Variants in PRSS55 observed in about 807,000 individuals in gnomAD.
PRSS55 encodes probable serine protease UNQ9391/PRO34284.
Under a neutral mutation model 23.6 loss-of-function variants are expected in PRSS55, and 41 were observed. The ratio of observed to expected loss-of-function variants is 1.74; its 90% CI spans 1.35 to 2.26. PRSS55 has a LOEUF of 2.26. PRSS55 is among the 30% of genes most tolerant of loss of function. The pLI is 0.00. For synonymous variants in PRSS55, 262 were observed against 175.5 expected (o/e 1.49, Z -3.90); for missense variants, 669 against 439.1 (o/e 1.52, Z -4.68).
intron 1 of PRSS55, among the ~76,000 whole-genome samples, chr8:10,526,639 A>G (rs910439564): frequency 6.6e-6 from 1 of 152,202 alleles, no homozygotes; most frequent in Non-Finnish European, 1.5e-5. Flanking sequence ...GAAAGTCAAC[A>G]CGATTCCATA....
At chr8:10,534,126 C>CA (rs33911802) in intron 4 of PRSS55, among the ~76,000 whole-genome samples, 39,868 of 151,650 alleles carry the variant, frequency 0.26, 5,572 homozygotes, top group Middle Eastern at 0.34. Flanking sequence ...ATTACCAAAA[C>CA]AAAAAAAACA....
At position 10,530,799 on chromosome 8, in the gene PRSS55, C is replaced by T. The variant is rs957691956; in HGVS notation, c.348-496C>T. The stretch of plus-strand genomic sequence containing the variant: ...CCGCTGTCGTGGGATATCAAATATC[C>T]TCTGGGGTTCGGAATGTGGGCTTAT... On this transcript the variant is annotated intron_variant, in intron 2 of 4. Transcript: ENST00000328655. Among the ~76,000 whole-genome samples, 3 of 152,208 alleles carry T rather than the reference C, an allele frequency of 2.0e-5. No individual in the cohort carries two copies. The East Asian group carries it at 5.8e-4, about 29-fold the overall frequency.
rs768822202 is a variant in PRSS55 at position 10,538,649 on chromosome 8, C to G, written c.915C>G (p.Pro305=). The G allele has an allele frequency of 6.2e-7, 1 of 1,614,054 alleles. No individual in the cohort carries two copies. The highest frequency in any genetic ancestry group is 1.3e-5 in the African/African-American group (1 of 74,910). ...AAGTGACCCAGCTAGAGGGCAGGCC[C>G]TTCAATGCAGAGAAAAGGAGGACTT... is the stretch of plus-strand genomic sequence containing the variant. ...IEKVTQLEGR[P]FNAEKRRTSV... The change falls in exon 5 of 5, where the codon CCC becomes CCG. Residue 305 remains proline (P), a synonymous_variant. Coordinates refer to ENST00000328655, the MANE Select transcript of PRSS55 (RefSeq NM_198464.4).
chr8:10,527,667 T>A (rs1017106013), intron 1 of PRSS55, among the ~76,000 whole-genome samples: 10 of 152,240 alleles, frequency 6.6e-5, no homozygotes, highest in Admixed American at 3.3e-4. Flanking sequence ...GAGCACCAGC[T>A]CTGTTGCCAG....
At chr8:10,549,216 T>C (rs1812897321) in intron 4 of PRSS55, among the ~76,000 whole-genome samples, 1 of 152,136 alleles carries the variant, frequency 6.6e-6, no homozygotes, top group Admixed American at 6.6e-5. Context: ...CTGGGTCCTG[T>C]CCTTTAGGCC....
In PRSS55 at chr8:10,537,017, G is replaced by A. The variant is rs965194558; in HGVS notation, c.742-1459G>A. On this transcript the variant is annotated intron_variant, in intron 4 of 4. Transcript: ENST00000328655. The stretch of plus-strand genomic sequence containing the variant: ...AAATCTGCTCATGTACCCTATGAAC[G>A]TAAAATAAAAGTTGAAAAAGAAAAT... Among the ~76,000 whole-genome samples the A allele has an allele frequency of 7.9e-5, 12 of 152,216 alleles. No individual in the cohort carries two copies. In the East Asian group the frequency reaches 1.5e-3, roughly 20 times the overall value.
intron 2 of PRSS55, 143 bp downstream of exon 2, chr8:10,529,842 A>AC: frequency 1.1e-5 from 9 of 794,722 alleles, no homozygotes; most frequent in Non-Finnish European, 1.4e-5. Context: ...CCATCCACCC[A>AC]CCCCCCAGCC....
At chr8:10,549,374 G>T (rs574182622) in intron 4 of PRSS55, among the ~76,000 whole-genome samples, 1 of 152,204 alleles carries the variant, frequency 6.6e-6, no homozygotes, top group African/African-American at 2.4e-5. Context: ...GGAGATGGTT[G>T]TAAGAGCCTA....
intron 4 of PRSS55, among the ~76,000 whole-genome samples, chr8:10,534,134 A>C (rs945847953): frequency 6.6e-6 from 1 of 150,792 alleles, no homozygotes; most frequent in African/African-American, 2.4e-5. Context: ...AACAAAAAAA[A>C]CAAAAAAACA....
chr8:10,525,880 C>G (rs373116787), intron 1 of PRSS55, 141 bp downstream of exon 1: 3 of 911,182 alleles, frequency 3.3e-6, no homozygotes, highest in Non-Finnish European at 4.8e-6. Context: ...TCCTTTCTCT[C>G]CTCTCTCCCC....
chr8:10,551,027 GCCACCTTCTCT>G (rs1812940011), intron 4 of PRSS55, among the ~76,000 whole-genome samples: 1 of 152,138 alleles, frequency 6.6e-6, no homozygotes, highest in South Asian at 2.1e-4. Context: ...CCCTGTTGCC[GCCACCTTCTCT>G]TACTATCTTC....
chr8:10,527,461 G>A (rs1358210983), intron 1 of PRSS55, among the ~76,000 whole-genome samples: 1 of 152,236 alleles, frequency 6.6e-6, no homozygotes, highest in Admixed American at 6.5e-5. Context: ...TGTAGGAGTT[G>A]ATGTAACGAG....
downstream of PRSS55, among the ~76,000 whole-genome samples, chr8:10,541,978 T>C (rs1286155164): frequency 1.3e-5 from 2 of 152,152 alleles, no homozygotes; most frequent in Admixed American, 6.5e-5. Flanking sequence ...AGTTTCACTA[T>C]GTTGCCCAGG....
intron 2 of PRSS55, among the ~76,000 whole-genome samples, chr8:10,530,410 T>C (rs1001357806): frequency 6.6e-6 from 1 of 152,152 alleles, no homozygotes; most frequent in African/African-American, 2.4e-5. Flanking sequence ...AGGAGGCAGA[T>C]GTTGCAGTGA....
intron 4 of PRSS55, among the ~76,000 whole-genome samples, chr8:10,548,866 G>C (rs929432382): frequency 2.6e-5 from 4 of 152,082 alleles, no homozygotes; most frequent in African/African-American, 7.2e-5. Flanking sequence ...GGGACCTGGT[G>C]GTGGGGGAGA....
intron 4 of PRSS55, among the ~76,000 whole-genome samples, chr8:10,534,594 A>G (rs1284722637): frequency 3.3e-5 from 5 of 152,120 alleles, no homozygotes; most frequent in African/African-American, 7.2e-5. Flanking sequence ...TCTATGACAA[A>G]CCCACAGCCA....
Position 10,529,802 on chromosome 8 carries a change from C to T in PRSS55, c.347+103C>T, listed in dbSNP as rs543311075. 30 of 1,158,966 alleles carry T rather than the reference C, an allele frequency of 2.6e-5. No individual in the cohort carries two copies. The East Asian group carries it at 4.0e-4, about 15-fold the overall frequency. The allele number at this position is 1,158,966 out of a possible 1,614,324, so 71.8% of individuals were successfully genotyped here. On this transcript the variant is annotated intron_variant, in intron 2 of 4. Transcript: ENST00000328655. ...TGGCTGAGAGGAACCTGCGACTGCT[C>T]GGTATCCAGTCGGCATGAATGGCTC...
downstream of PRSS55, chr8:10,540,875 G>A (rs1320761965): frequency 6.6e-6 from 1 of 152,260 alleles, no homozygotes; most frequent in African/African-American, 2.4e-5. Context: ...TGGCCAGCTG[G>A]AGTGTTCACC....
In PRSS55 at chr8:10,533,027, T is replaced by G. The variant is rs182279550; in HGVS notation, c.720T>G (p.Asn240Lys). The change falls in exon 4 of 5, where the codon AAT becomes AAG. Residue 240 changes from asparagine (N) to lysine (K), a missense_variant. Coordinates refer to ENST00000328655, the MANE Select transcript of PRSS55 (RefSeq NM_198464.4). ...TKNMLCAGYK[N>K]ESYDACKGDS... The stretch of plus-strand genomic sequence containing the variant: ...ATATGCTGTGTGCCGGATACAAGAA[T>G]GAGAGCTATGATGCCTGCAAGGTAA... 1.2e-6 allele frequency: 2 copies of G among 1,614,200 alleles called. No individual in the cohort carries two copies. The highest frequency in any genetic ancestry group is 3.3e-5 in the Admixed American group (2 of 60,034).
Sources: allele counts gnomAD v4.1 joint callset (sites outside exome capture counted in the v4.1 genomes callset), GRCh38; gene constraint gnomAD v4.1.1; transcripts MANE v1.5; gene names NCBI Gene and HGNC (gene_info 2026-07-23, HGNC 2026-07-21).